The following ADD2 variants were observed in gnomAD, a reference collection of about 807,000 sequenced individuals.
ADD2 encodes the protein beta-adducin.
In ADD2, 23 loss-of-function variants were observed where a neutral mutation model predicts 83.0. The ratio of observed to expected loss-of-function variants is 0.28; its 90% confidence interval spans 0.20 to 0.39. ADD2 has a LOEUF of 0.39. ADD2 is among the 10% of genes least tolerant of loss of function. The pLI is 1.00. For synonymous variants in ADD2, 375 were observed against 375.4 expected (o/e 1.00, Z 0.01); for missense variants, 758 against 944.9 (o/e 0.80, Z 2.59).
At chr2:70,684,399 T>A (rs1558530391) in intron 9 of ADD2, among the ~76,000 whole-genome samples, 1 of 152,160 alleles carries the variant, frequency 6.6e-6, no homozygotes, top group Non-Finnish European at 1.5e-5. Flanking sequence ...AGATGTGCAC[T>A]ACCACATTCA....
chr2:70,712,390 GCTGAGATCACACCA>G (rs1384169981), intron 2 of ADD2, among the ~76,000 whole-genome samples: 1 of 149,898 alleles, frequency 6.7e-6, no homozygotes, highest in Non-Finnish European at 1.5e-5. Context: ...GTTGCAGTGA[GCTGAGATCACACCA>G]CTGCACTCCA....
rs1169294387 is a variant in ADD2 at position 70,665,817 on chromosome 2, TG to T, written c.1871-2083del. Among the ~76,000 whole-genome samples, 14 of 136,210 alleles carry T rather than the reference TG, an allele frequency of 1.0e-4. No homozygotes were observed. In the South Asian group the frequency reaches 1.2e-3, roughly 12 times the overall value. The allele number at this position is 136,210 out of a possible 152,430, so 89.4% of individuals were successfully genotyped here. ...TGCAAAACGATCACACTTGTTTTTTTGTTTTTTTTTTTTTCCCGAAACAGTC... is the reference window on the plus strand; with the variant it reads ...TGCAAAACGATCACACTTGTTTTTTTTTTTTTTTTTTTTCCCGAAACAGTC... On this transcript the variant is annotated intron_variant, in intron 15 of 15. Transcript: ENST00000264436.
intron 1 of ADD2, among the ~76,000 whole-genome samples, chr2:70,749,914 C>G (rs149188629): frequency 6.6e-6 from 1 of 152,194 alleles, no homozygotes; most frequent in Non-Finnish European, 1.5e-5. Flanking sequence ...TAAGCCACTA[C>G]GGCTAGGTTT....
intron 9 of ADD2, chr2:70,687,142 G>A (rs990087984): frequency 6.6e-5 from 10 of 152,286 alleles, no homozygotes; most frequent in South Asian, 4.1e-4. Context: ...TGGGCCCCAC[G>A]TCTACAGTTG....
intron 1 of ADD2, among the ~76,000 whole-genome samples, chr2:70,716,797 G>T (rs782581913): frequency 6.6e-6 from 1 of 152,136 alleles, no homozygotes; most frequent in African/African-American, 2.4e-5. Context: ...GGAGTGCATG[G>T]CAGGTGCCTC....
chr2:70,764,189 C>T (rs1675263839), intron 1 of ADD2, among the ~76,000 whole-genome samples: 1 of 151,776 alleles, frequency 6.6e-6, no homozygotes, highest in African/African-American at 2.4e-5. Context: ...CGCCCGGCCC[C>T]ATCTCATTTT....
At chr2:70,735,794 T>C (rs987173363) in intron 1 of ADD2, among the ~76,000 whole-genome samples, 1 of 147,826 alleles carries the variant, frequency 6.8e-6, no homozygotes, top group East Asian at 2.0e-4. Context: ...TGATCTTGGC[T>C]CACTGCAACC....
Position 70,686,257 on chromosome 2 carries a change from C to T in ADD2, c.948+1767G>A, listed in dbSNP as rs187141412. ...CTTCCACATCTTCCAGCTCTATTCCCGTCTCTAGAAGCCTCTCTGCTCTAC... is the reference window on the plus strand; with the variant it reads ...CTTCCACATCTTCCAGCTCTATTCCTGTCTCTAGAAGCCTCTCTGCTCTAC... On this transcript the variant is annotated intron_variant, in intron 9 of 15. Transcript: ENST00000264436. Among the ~76,000 whole-genome samples the T allele has an allele frequency of 5.5e-3, 845 of 152,294 alleles. 2 individuals carry two copies. The highest frequency in any genetic ancestry group is 7.6e-3 in the Non-Finnish European group (519 of 68,036).
At chr2:70,681,323 C>T (rs1670438074) in intron 10 of ADD2, among the ~76,000 whole-genome samples, 2 of 152,216 alleles carry the variant, frequency 1.3e-5, no homozygotes, top group Non-Finnish European at 2.9e-5. Flanking sequence ...CAATCAGTAT[C>T]ACCCATACCT....
Position 70,713,148 on chromosome 2 carries a change from G to C in ADD2, c.-117C>G. 1.0e-6 allele frequency: 1 copy of C among 984,556 alleles called. No homozygotes were observed. The highest frequency in any genetic ancestry group is 1.2e-6 in the Non-Finnish European group (1 of 829,750). 61.0% of individuals were successfully genotyped at this position (984,556 alleles called of 1,614,324 possible). On this transcript the variant is annotated 5_prime_UTR_variant, in exon 2 of 16. Transcript: ENST00000264436. ...CCCTAGCTCCACTCTCAAGGGTGCCGGCCACATCTACACAACCTCAAACAT... is the reference window on the plus strand; with the variant it reads ...CCCTAGCTCCACTCTCAAGGGTGCCCGCCACATCTACACAACCTCAAACAT...
At chr2:70,690,049 A>G (rs13427154) in intron 8 of ADD2, among the ~76,000 whole-genome samples, 43,979 of 151,648 alleles carry the variant, frequency 0.29, 6,737 homozygotes, top group East Asian at 0.44. Context: ...AGCTGACAGG[A>G]TTTTCATCAA....
chr2:70,761,434 C>G (rs1234694969), intron 1 of ADD2, among the ~76,000 whole-genome samples: 1 of 151,328 alleles, frequency 6.6e-6, no homozygotes, highest in Admixed American at 6.6e-5. Context: ...CATGGTGAAA[C>G]CTGGTCTCTA....
At chr2:70,704,788 A>G (rs782150004) in intron 3 of ADD2, among the ~76,000 whole-genome samples, 1 of 152,156 alleles carries the variant, frequency 6.6e-6, no homozygotes, top group African/African-American at 2.4e-5. Flanking sequence ...AATGAAGGAC[A>G]TTTTTTTAGG....
chr2:70,661,381 G>A lies in ADD2; in HGVS notation c.*2044C>T, dbSNP rs1314216996. 1 of 152,168 alleles carries A rather than the reference G, an allele frequency of 6.6e-6. No individual in the cohort carries two copies. Among genetic ancestry groups the A allele is most frequent in the Non-Finnish European group, 1.5e-5 (1 of 68,034 alleles). The allele number at this position is 152,168 out of a possible 1,614,324, so 9.4% of individuals were successfully genotyped here. A position where few individuals can be genotyped will look rare whatever the true frequency, so the allele number is the denominator to read the frequency against. ...TACTTTTTAAAAGAAGGCATCAAGG[G>A]ATTGGCTTTTAAAGGCATTTCCCAT... is the stretch of plus-strand genomic sequence containing the variant. On this transcript the variant is annotated 3_prime_UTR_variant, in exon 16 of 16. Coordinates refer to ENST00000264436, the MANE Select transcript of ADD2 (RefSeq NM_001617.4).
intron 10 of ADD2, 47 bp downstream of exon 10, chr2:70,683,544 C>A: frequency 1.3e-6 from 2 of 1,568,738 alleles, no homozygotes; most frequent in Admixed American, 1.7e-5. Flanking sequence ...TTCCAGGGGG[C>A]TAAGCCTCAA....
At chr2:70,758,565 G>C (rs1209249124) in intron 1 of ADD2, among the ~76,000 whole-genome samples, 1 of 152,156 alleles carries the variant, frequency 6.6e-6, no homozygotes, top group Non-Finnish European at 1.5e-5. Context: ...CCGGAGGGTA[G>C]AGAAATGATG....
chr2:70,669,110 C>T (rs1669794716), intron 15 of ADD2, among the ~76,000 whole-genome samples: 1 of 152,148 alleles, frequency 6.6e-6, no homozygotes, highest in Non-Finnish European at 1.5e-5. Flanking sequence ...CAAGAAGGCC[C>T]ACGGGTGCTC....
At chr2:70,725,506 T>C (rs782720197) in intron 1 of ADD2, among the ~76,000 whole-genome samples, 12 of 152,128 alleles carry the variant, frequency 7.9e-5, no homozygotes, top group Non-Finnish European at 1.8e-4. Flanking sequence ...AAGTTAAGCA[T>C]CTCAAGATGA....
chr2:70,694,062 C>A (rs1403963384), intron 6 of ADD2, among the ~76,000 whole-genome samples: 1 of 152,232 alleles, frequency 6.6e-6, no homozygotes, highest in Non-Finnish European at 1.5e-5. Flanking sequence ...ATTAGCCAGG[C>A]TCCCTTGTGC....
Sources: gnomAD v4.1 joint callset for allele counts (sites outside exome capture counted in the v4.1 genomes callset) on GRCh38, gnomAD v4.1.1 for gene constraint, MANE v1.5 for transcripts, NCBI Gene and HGNC (gene_info 2026-07-23, HGNC 2026-07-21) for gene names.